The following XRCC4 variants were observed in gnomAD, a reference collection of about 807,000 sequenced individuals.
XRCC4 encodes the protein X-ray repair cross complementing 4, also known as DNA repair protein XRCC4.
XRCC4 carries 28 observed loss-of-function variants against 39.1 expected under a neutral mutation model. The observed-to-expected ratio is 0.72, with a 90% CI of 0.53 to 0.98. The LOEUF (loss-of-function observed/expected upper bound fraction) is 0.98, where lower values mean the gene tolerates loss of function less well. XRCC4 is among the 50% of genes least tolerant of loss of function. The pLI, the probability that XRCC4 is intolerant of heterozygous loss-of-function variation, is 0.00. For missense variants in XRCC4, 350 were observed against 376.4 expected (o/e 0.93, Z 0.58); for synonymous variants, 123 against 126.4 (o/e 0.97, Z 0.18).
intron 3 of XRCC4, among the ~76,000 whole-genome samples, chr5:83,126,019 G>A (rs142730446): frequency 1.2e-4 from 18 of 147,182 alleles, no homozygotes; most frequent in African/African-American, 3.7e-4. Flanking sequence ...ATTGAGTTAC[G>A]TGAATCTTCC....
chr5:83,283,128 C>A (rs917551130), intron 7 of XRCC4, among the ~76,000 whole-genome samples: 7 of 151,064 alleles, frequency 4.6e-5, no homozygotes, highest in Non-Finnish European at 8.9e-5. Context: ...ACTGAAAATT[C>A]TTCAGCTTAC....
intron 1 of XRCC4, among the ~76,000 whole-genome samples, chr5:83,102,656 C>G (rs992308971): frequency 6.6e-6 from 1 of 152,000 alleles, no homozygotes; most frequent in African/African-American, 2.4e-5. Context: ...TGATGGGAGA[C>G]TGGAAATAAA....
At chr5:83,116,537 A>G (rs1042636567) in intron 3 of XRCC4, among the ~76,000 whole-genome samples, 1 of 152,004 alleles carries the variant, frequency 6.6e-6, no homozygotes, top group Non-Finnish European at 1.5e-5. Context: ...TTAGTATTCA[A>G]AAATACCTGA....
intron 6 of XRCC4, among the ~76,000 whole-genome samples, chr5:83,233,751 A>T (rs1752582586): frequency 6.7e-6 from 1 of 149,400 alleles, no homozygotes; most frequent in African/African-American, 2.5e-5. Context: ...AAAAAAAAGC[A>T]ATTAGCCAGG....
intron 3 of XRCC4, among the ~76,000 whole-genome samples, chr5:83,154,939 G>T (rs1748886468): frequency 6.6e-6 from 1 of 152,060 alleles, no homozygotes; most frequent in Non-Finnish European, 1.5e-5. Flanking sequence ...AACTACACTG[G>T]TATGGCTTTT....
intron 5 of XRCC4, 143 bp downstream of exon 5, chr5:83,203,850 TA>T: frequency 2.1e-6 from 2 of 958,122 alleles, no homozygotes; most frequent in Non-Finnish European, 3.1e-6. Flanking sequence ...GGCTGTTAGA[TA>T]GGGGTACCAT....
At chr5:83,080,163 C>A (rs1404165889) in intron 1 of XRCC4, among the ~76,000 whole-genome samples, 2 of 152,038 alleles carry the variant, frequency 1.3e-5, no homozygotes, top group African/African-American at 4.8e-5. Context: ...TACAGTAGTC[C>A]CTCCTTATCT....
At chr5:83,259,690 A>G (rs937207780) in intron 7 of XRCC4, among the ~76,000 whole-genome samples, 1 of 152,074 alleles carries the variant, frequency 6.6e-6, no homozygotes, top group Non-Finnish European at 1.5e-5. Context: ...TATCATTCAT[A>G]TTATCATATA....
At chr5:83,252,915 T>C (rs1228609279) in intron 6 of XRCC4, among the ~76,000 whole-genome samples, 1 of 152,232 alleles carries the variant, frequency 6.6e-6, no homozygotes, top group African/African-American at 2.4e-5. Context: ...GCACAAGGCA[T>C]GGGTTCCAGC....
intron 7 of XRCC4, among the ~76,000 whole-genome samples, chr5:83,274,735 C>G (rs1431003093): frequency 6.6e-6 from 1 of 152,106 alleles, no homozygotes; most frequent in African/African-American, 2.4e-5. Context: ...CTCAGGTGAG[C>G]AAATCCATTG....
At chr5:83,368,799 T>C in the XRCC4 span, among the ~76,000 whole-genome samples, 1 of 152,196 alleles carries the variant, frequency 6.6e-6, no homozygotes, top group Non-Finnish European at 1.5e-5. Flanking sequence ...TAAAGAGAAA[T>C]ACACTCCATT....
chr5:83,251,510 C>T (rs1005486660), intron 6 of XRCC4, among the ~76,000 whole-genome samples: 20 of 123,400 alleles, frequency 1.6e-4, no homozygotes, highest in South Asian at 2.4e-4. Context: ...GGCGACAGAA[C>T]GAGACTCCGT....
At chr5:83,123,227 G>T (rs1747096582) in intron 3 of XRCC4, among the ~76,000 whole-genome samples, 1 of 151,976 alleles carries the variant, frequency 6.6e-6, no homozygotes, top group Non-Finnish European at 1.5e-5. Flanking sequence ...TTAATTAGGT[G>T]TAAAACATTA....
intron 3 of XRCC4, among the ~76,000 whole-genome samples, chr5:83,113,865 A>G (rs922108391): frequency 1.3e-5 from 2 of 152,246 alleles, no homozygotes; most frequent in African/African-American, 2.4e-5. Context: ...TGACCTCGTG[A>G]TCCGCCCGCC....
At chr5:83,236,393 G>A (rs11955106) in intron 6 of XRCC4, among the ~76,000 whole-genome samples, 2,425 of 152,116 alleles carry the variant, frequency 0.016, 60 homozygotes, top group African/African-American at 0.054. Context: ...GAACAGAATA[G>A]AGAACCCTCA....
At chr5:83,242,632 T>G (rs938978859) in intron 6 of XRCC4, among the ~76,000 whole-genome samples, 2 of 152,030 alleles carry the variant, frequency 1.3e-5, no homozygotes, top group Non-Finnish European at 2.9e-5. Context: ...TTTTAAAAAT[T>G]ATTATTGAAT....
intron 7 of XRCC4, among the ~76,000 whole-genome samples, chr5:83,265,658 A>AT (rs748760587): frequency 6.6e-5 from 10 of 152,168 alleles, no homozygotes; most frequent in African/African-American, 1.2e-4. Context: ...GCCTGAATAG[A>AT]TTTTTTAAGT....
chr5:83,326,261 AC>A (rs1756256418), intron 7 of XRCC4, among the ~76,000 whole-genome samples: 1 of 151,772 alleles, frequency 6.6e-6, no homozygotes, highest in Admixed American at 6.6e-5. Flanking sequence ...GTTTAAGTAG[AC>A]CCCGTTTGTC....
At chr5:83,092,421 T>C (rs909320296) in intron 1 of XRCC4, among the ~76,000 whole-genome samples, 4 of 152,142 alleles carry the variant, frequency 2.6e-5, no homozygotes, top group African/African-American at 7.2e-5. Flanking sequence ...CAAATCCATT[T>C]TAATGTCAAA....
Sources: allele counts gnomAD v4.1 joint callset (sites outside exome capture counted in the v4.1 genomes callset), GRCh38; gene constraint gnomAD v4.1.1; transcripts MANE v1.5; gene names NCBI Gene and HGNC (gene_info 2026-07-23, HGNC 2026-07-21).